CYP4X1: variants seen among roughly 807,000 people sequenced by gnomAD.
CYP4X1 encodes cytochrome P450 family 4 subfamily X member 1.
In CYP4X1, 44 loss-of-function variants were observed where a neutral mutation model predicts 57.9. That is an observed-to-expected ratio of 0.76 (90% confidence interval 0.60 to 0.98). The LOEUF (loss-of-function observed/expected upper bound fraction) is 0.98, where lower values mean the gene tolerates loss of function less well. CYP4X1 is among the 50% of genes least tolerant of loss of function. The probability of loss-of-function intolerance (pLI) is 0.00; values close to 1 mark genes in which losing one functional copy is unlikely to be tolerated. For synonymous variants in CYP4X1, 227 were observed against 228.6 expected, an observed-to-expected ratio of 0.99 and a Z score of 0.06; for missense variants, 532 against 623.9, an observed-to-expected ratio of 0.85 and a Z score of 1.57.
chr1:47,049,974 TCAC>T (rs1175547401), intron 11 of CYP4X1, 23 bp from the exon 12 acceptor site: 2 of 1,605,906 alleles, frequency 1.2e-6, no homozygotes, highest in Admixed American at 3.4e-5. Flanking sequence ...TTTTCAAGTA[TCAC>T]TTTCTTTCCC....
rs147547907 is a variant in CYP4X1 at position 47,026,062 on chromosome 1, T to C, written c.177+2068T>C. Among the ~76,000 whole-genome samples, 1,194 of 151,904 alleles carry C rather than the reference T, an allele frequency of 7.9e-3. 12 individuals carry two copies. The highest frequency in any genetic ancestry group is 1.0e-2 in the Non-Finnish European group (678 of 67,956). On this transcript the variant is annotated intron_variant, in intron 1 of 11. Transcript: ENST00000371901. ...TATCCTAACTCATGGACACAGAGAG[T>C]AGAAGGATGGTTACCAAAGGCTGGG...
At chr1:47,030,776 T>C (rs1644116250) in intron 2 of CYP4X1, among the ~76,000 whole-genome samples, 2 of 152,210 alleles carry the variant, frequency 1.3e-5, no homozygotes, top group Admixed American at 1.3e-4. Context: ...GTGCATTGTA[T>C]CCACCACTCC....
At chr1:47,017,970 G>A in the CYP4X1 span, among the ~76,000 whole-genome samples, 2 of 152,182 alleles carry the variant, frequency 1.3e-5, no homozygotes, top group African/African-American at 4.8e-5. Flanking sequence ...AATTAACTGA[G>A]AGCTGTCTCA....
At chr1:46,996,131 C>G in the CYP4X1 span, among the ~76,000 whole-genome samples, 6 of 152,212 alleles carry the variant, frequency 3.9e-5, no homozygotes, top group African/African-American at 1.4e-4. Flanking sequence ...CTTTCTATCA[C>G]AACAACTCTA....
At chr1:46,971,350 C>T in the CYP4X1 span, among the ~76,000 whole-genome samples, 3 of 152,074 alleles carry the variant, frequency 2.0e-5, no homozygotes, top group Non-Finnish European at 4.4e-5. Flanking sequence ...TGATTGTATG[C>T]CTTTGCCATT....
At chr1:47,027,766 C>G (rs758431636) in intron 1 of CYP4X1, among the ~76,000 whole-genome samples, 1 of 152,186 alleles carries the variant, frequency 6.6e-6, no homozygotes, top group Non-Finnish European at 1.5e-5. Context: ...TTATATTGCT[C>G]TCCCTGCAAA....
chr1:46,991,551 G>A, the CYP4X1 span, among the ~76,000 whole-genome samples: 1 of 152,080 alleles, frequency 6.6e-6, no homozygotes, highest in Non-Finnish European at 1.5e-5. Flanking sequence ...ATCATCCATG[G>A]AGCTGTATAC....
the CYP4X1 span, among the ~76,000 whole-genome samples, chr1:46,972,115 T>C: frequency 9.8e-5 from 15 of 152,328 alleles, no homozygotes; most frequent in Admixed American, 9.2e-4. Flanking sequence ...GAGTTTTGTA[T>C]ATGATGAAAA....
chr1:46,975,484 T>C, the CYP4X1 span, among the ~76,000 whole-genome samples: 39,829 of 152,034 alleles, frequency 0.26, 5,659 homozygotes, highest in East Asian at 0.5. Context: ...GGGTGCTAAA[T>C]ATACACCCCA....
the CYP4X1 span, among the ~76,000 whole-genome samples, chr1:46,986,089 G>T: frequency 6.6e-6 from 1 of 152,192 alleles, no homozygotes; most frequent in African/African-American, 2.4e-5. Flanking sequence ...AAAGGAGCTT[G>T]TTCTAACCCA....
the CYP4X1 span, among the ~76,000 whole-genome samples, chr1:47,002,830 C>G: frequency 6.6e-6 from 1 of 152,154 alleles, no homozygotes; most frequent in Non-Finnish European, 1.5e-5. Flanking sequence ...TTGGACTATG[C>G]TATAGAGATC....
intron 6 of CYP4X1, among the ~76,000 whole-genome samples, 198 bp from the exon 7 acceptor site, chr1:47,038,462 T>G (rs1644208992): frequency 6.6e-6 from 1 of 152,200 alleles, no homozygotes; most frequent in South Asian, 2.1e-4. Context: ...GAAACTATGT[T>G]TTTTATTTGT....
In CYP4X1 at chr1:47,050,565, G is replaced by C. The variant is rs1254424816; in HGVS notation, c.*391G>C. The C allele has an allele frequency of 6.1e-6, 1 of 163,512 alleles. No homozygotes were observed. Among genetic ancestry groups the C allele is most frequent in the Non-Finnish European group, 1.3e-5 (1 of 74,776 alleles). 10.1% of individuals were successfully genotyped at this position (163,512 alleles called of 1,614,324 possible). A position where few individuals can be genotyped will look rare whatever the true frequency, so the allele number is the denominator to read the frequency against. On this transcript the variant is annotated 3_prime_UTR_variant, in exon 12 of 12. Coordinates refer to ENST00000371901, the MANE Select transcript of CYP4X1 (RefSeq NM_178033.2). ...AAAATTTTAAATCTCACTTCACTTAGCCGACATTCCATGCCCTGACCAATC... is the reference window on the plus strand; with the variant it reads ...AAAATTTTAAATCTCACTTCACTTACCCGACATTCCATGCCCTGACCAATC...
At chr1:46,998,548 A>AT in the CYP4X1 span, among the ~76,000 whole-genome samples, 1 of 151,562 alleles carries the variant, frequency 6.6e-6, no homozygotes, top group African/African-American at 2.4e-5. Context: ...TACTCTGTTG[A>AT]TTTTTTCTTT....
the CYP4X1 span, among the ~76,000 whole-genome samples, chr1:47,009,449 A>C: frequency 2.0e-5 from 3 of 152,170 alleles, no homozygotes; most frequent in Non-Finnish European, 4.4e-5. Context: ...ATGCTCACAA[A>C]AGAAAGCAGG....
intron 8 of CYP4X1, among the ~76,000 whole-genome samples, chr1:47,044,689 G>T (rs2148514792): frequency 6.6e-6 from 1 of 152,276 alleles, no homozygotes; most frequent in East Asian, 1.9e-4. Flanking sequence ...TAGTAGTGGT[G>T]AACACCCTCA....
At chr1:47,039,244 A>T in intron 7 of CYP4X1, 98 bp from the exon 8 acceptor site, 1 of 1,136,218 alleles carries the variant, frequency 8.8e-7, no homozygotes, top group Non-Finnish European at 1.2e-6. Flanking sequence ...ACCCCTATTT[A>T]AAGCTCTGAT....
intron 11 of CYP4X1, 70 bp from the exon 12 acceptor site, chr1:47,049,930 C>G (rs1474197980): frequency 1.4e-6 from 2 of 1,447,236 alleles, no homozygotes; most frequent in African/African-American, 1.4e-5. Flanking sequence ...ACTTATTGTA[C>G]TAGTATTTTA....
At chr1:46,985,454 C>T in the CYP4X1 span, among the ~76,000 whole-genome samples, 9 of 152,340 alleles carry the variant, frequency 5.9e-5, no homozygotes, top group African/African-American at 1.9e-4. Flanking sequence ...CAGACATAAA[C>T]GTCCCTGCCT....
Sources: allele counts gnomAD v4.1 joint callset (sites outside exome capture counted in the v4.1 genomes callset), GRCh38; gene constraint gnomAD v4.1.1; transcripts MANE v1.5; gene names NCBI Gene and HGNC (gene_info 2026-07-23, HGNC 2026-07-21).